ASPRV1: variants seen among roughly 807,000 people sequenced by gnomAD.
ASPRV1 encodes aspartic peptidase retroviral like 1.
In ASPRV1, 7 loss-of-function variants were observed where a neutral mutation model predicts 11.0. The observed-to-expected ratio is 0.64, with a 90% CI of 0.36 to 1.20. The LOEUF is 1.20. ASPRV1 is among the 50% of genes most tolerant of loss of function. The pLI is 0.02. For missense variants in ASPRV1, 299 were observed against 320.0 expected (o/e 0.93, Z 0.50); for synonymous variants, 136 against 138.4 (o/e 0.98, Z 0.12).
chr2:69,978,372 G>T, the ASPRV1 span, among the ~76,000 whole-genome samples: 39 of 152,302 alleles, frequency 2.6e-4, no homozygotes, highest in African/African-American at 9.1e-4. Context: ...AACCCGGAGG[G>T]CCAGGGAGCT....
chr2:70,051,418 G>A, the ASPRV1 span: 1 of 152,156 alleles, frequency 6.6e-6, no homozygotes, highest in South Asian at 2.1e-4. Flanking sequence ...GTTTGGCTCC[G>A]TGAATTGACA....
At chr2:70,021,068 C>T in the ASPRV1 span, among the ~76,000 whole-genome samples, 1 of 152,062 alleles carries the variant, frequency 6.6e-6, no homozygotes, top group Non-Finnish European at 1.5e-5. Flanking sequence ...GAATGCTCAC[C>T]ATTGCTCCCT....
chr2:70,053,080 T>C, the ASPRV1 span, among the ~76,000 whole-genome samples: 4 of 152,114 alleles, frequency 2.6e-5, no homozygotes, highest in Non-Finnish European at 2.9e-5. Flanking sequence ...CAACCCCCCA[T>C]ATCCACCGCC....
At chr2:69,949,779 T>C in the ASPRV1 span, among the ~76,000 whole-genome samples, 1 of 152,320 alleles carries the variant, frequency 6.6e-6, no homozygotes, top group East Asian at 1.9e-4. Context: ...TGTTCATTTT[T>C]AATGTTTTTT....
At chr2:70,019,229 T>C in the ASPRV1 span, 1 of 152,178 alleles carries the variant, frequency 6.6e-6, no homozygotes, top group Admixed American at 6.5e-5. Flanking sequence ...TCACTCTTGT[T>C]AGAATGGCTA....
the ASPRV1 span, among the ~76,000 whole-genome samples, chr2:69,955,070 C>T: frequency 1.3e-5 from 2 of 152,206 alleles, no homozygotes; most frequent in Non-Finnish European, 2.9e-5. Context: ...TTCTTGCTAC[C>T]CAGCCAAGAG....
chr2:70,024,636 C>T, the ASPRV1 span, among the ~76,000 whole-genome samples: 2 of 152,164 alleles, frequency 1.3e-5, no homozygotes, highest in African/African-American at 2.4e-5. Flanking sequence ...ACTTCTTCTC[C>T]CTCTTTCTCA....
the ASPRV1 span, among the ~76,000 whole-genome samples, chr2:70,080,232 G>GT: frequency 6.9e-3 from 986 of 143,654 alleles, 6 homozygotes; most frequent in Middle Eastern, 0.018. Context: ...TGCCCCTTCT[G>GT]TTTTTTTTTT....
the ASPRV1 span, among the ~76,000 whole-genome samples, chr2:70,043,660 G>A: frequency 6.6e-6 from 1 of 152,240 alleles, no homozygotes; most frequent in Non-Finnish European, 1.5e-5. Context: ...CAAAGGAAAT[G>A]CCCTGCCCTT....
chr2:69,964,547 C>T (rs1678271194), upstream of ASPRV1: 1 of 270,098 alleles, frequency 3.7e-6, no homozygotes, highest in East Asian at 1.0e-4. Context: ...CCAGAGGTGC[C>T]CCATGAGCTA....
At chr2:69,949,008 C>T in the ASPRV1 span, among the ~76,000 whole-genome samples, 1 of 152,162 alleles carries the variant, frequency 6.6e-6, no homozygotes, top group Non-Finnish European at 1.5e-5. Context: ...GCAAACGTCC[C>T]CGTGTCCTTG....
the ASPRV1 span, among the ~76,000 whole-genome samples, chr2:70,004,528 C>CA: frequency 0.1 from 5,387 of 53,796 alleles, 266 homozygotes; most frequent in Non-Finnish European, 0.16. Context: ...AACTCCATCT[C>CA]AAAAAAAAAA....
At chr2:70,035,469 G>C in the ASPRV1 span, among the ~76,000 whole-genome samples, 39 of 151,758 alleles carry the variant, frequency 2.6e-4, no homozygotes, top group African/African-American at 9.4e-4. Context: ...AGCTCAACAT[G>C]CCTCAAGGAA....
chr2:69,965,579 G>A (rs771255266), upstream of ASPRV1, among the ~76,000 whole-genome samples: 3 of 152,146 alleles, frequency 2.0e-5, no homozygotes, highest in Non-Finnish European at 4.4e-5. Flanking sequence ...GCGGCCTGAC[G>A]ACTTCCCAGA....
chr2:69,976,763 C>T, the ASPRV1 span: 24 of 152,200 alleles, frequency 1.6e-4, no homozygotes, highest in East Asian at 7.7e-4. Flanking sequence ...AGCCTCTCCA[C>T]GCCTTATTTC....
chr2:70,010,450 C>A, the ASPRV1 span, among the ~76,000 whole-genome samples: 1 of 152,014 alleles, frequency 6.6e-6, no homozygotes, highest in South Asian at 2.1e-4. Context: ...AGGCCTGGAG[C>A]TGAGAGAGTG....
At chr2:70,032,138 A>C in the ASPRV1 span, 3 of 152,190 alleles carry the variant, frequency 2.0e-5, no homozygotes, top group Non-Finnish European at 4.4e-5. Context: ...CTTACCTAAG[A>C]ATGGAGACTG....
chr2:70,013,962 C>A, the ASPRV1 span, among the ~76,000 whole-genome samples: 2 of 152,200 alleles, frequency 1.3e-5, no homozygotes, highest in African/African-American at 4.8e-5. Context: ...TCATCAGTTT[C>A]TAATATGGCA....
chr2:69,978,475 G>A, the ASPRV1 span, among the ~76,000 whole-genome samples: 1 of 152,162 alleles, frequency 6.6e-6, no homozygotes, highest in Non-Finnish European at 1.5e-5. Flanking sequence ...AAATGAAAAC[G>A]ACAGGCCCAG....
Sources: allele counts gnomAD v4.1 joint callset (sites outside exome capture counted in the v4.1 genomes callset), GRCh38; gene constraint gnomAD v4.1.1; transcripts MANE v1.5; gene names NCBI Gene and HGNC (gene_info 2026-07-23, HGNC 2026-07-21).